The following HDAC10 variants were observed in gnomAD, a reference collection of about 807,000 sequenced individuals.
The protein encoded by HDAC10 is polyamine deacetylase HDAC10.
Under a neutral mutation model 82.3 loss-of-function variants are expected in HDAC10, and 90 were observed. The observed-to-expected ratio is 1.09, with a 90% CI of 0.92 to 1.30. The LOEUF (loss-of-function observed/expected upper bound fraction) is 1.30, where lower values mean the gene tolerates loss of function less well. Among genes scored for constraint, HDAC10 ranks in the 50% most tolerant of loss-of-function variants. The pLI, the probability that HDAC10 is intolerant of heterozygous loss-of-function variation, is 0.00. For synonymous variants in HDAC10, 456 were observed against 391.7 expected, an observed-to-expected ratio of 1.16 and a Z score of -1.94; for missense variants, 934 against 876.3, an observed-to-expected ratio of 1.07 and a Z score of -0.83.
In HDAC10 at chr22:50,248,155, G is replaced by C. The variant is rs766342083; in HGVS notation, c.1082-10C>G. On this transcript the variant is annotated splice_polypyrimidine_tract_variant and intron_variant, in intron 12 of 19. Coordinates refer to ENST00000216271, the MANE Select transcript of HDAC10 (RefSeq NM_032019.6). This position sits in a 1 kb window ranked among gnomAD's most constrained non-coding sequence, Gnocchi z 5.4. ...GGCACAGCGGTCACATCTAGGGACA[G>C]TTCGGAGTCATAGCCACTGCACAGG... 1 of 1,590,348 alleles carries C rather than the reference G, an allele frequency of 6.3e-7. No individual in the cohort carries two copies. Among genetic ancestry groups the C allele is most frequent in the East Asian group, 2.2e-5 (1 of 44,674 alleles).
chr22:50,249,670 G>C lies in HDAC10; in HGVS notation c.528C>G (p.Gly176=). 1.2e-6 allele frequency: 2 copies of C among 1,612,918 alleles called. No individual in the cohort carries two copies. Among genetic ancestry groups the C allele is most frequent in the Non-Finnish European group, 1.7e-6 (2 of 1,179,990 alleles). ...CCTCAAAGAGATACTGGATCCCCTG[G>C]CCATGGTGCACATCCCAGTCCACGA... is the stretch of plus-strand genomic sequence containing the variant. ...ILVVDWDVHH[G]QGIQYLFEDD... The change falls in exon 6 of 20, where the codon GGC becomes GGG. Residue 176 remains glycine, a synonymous_variant. Transcript: ENST00000216271. The surrounding 1 kb of genome is among the most constrained non-coding windows in gnomAD (Gnocchi z 4.4).
rs2065002435 is a variant in HDAC10 at position 50,248,235 on chromosome 22, G to T, written c.1071C>A (p.Leu357=). Reference sequence around the variant, plus strand: ...CCCGGCCACACTGACCTTGCTGCTGGAGGCTCTTCCAGTGCGGGGCCTGGG... The same window carrying T: ...CCCGGCCACACTGACCTTGCTGCTGTAGGCTCTTCCAGTGCGGGGCCTGGG... The part of the protein sequence containing the change: ...RAAQAPHWKS[L]QQQDVTAVPM... Residue 357 remains leucine, a synonymous_variant, in exon 12 of 20, where the codon CTC becomes CTA. Transcript: ENST00000216271. This position sits in a 1 kb window ranked among gnomAD's most constrained non-coding sequence, Gnocchi z 5.4. The T allele has an allele frequency of 6.2e-7, 1 of 1,612,086 alleles. No individual in the cohort carries two copies.
Position 50,248,750 on chromosome 22 carries a change from C to G in HDAC10, c.818G>C (p.Gly273Ala). The change falls in exon 10 of 20, where the codon GGG (glycine) becomes GCG (alanine). Residue 273 changes from glycine to alanine, a missense_variant and splice_region_variant. Transcript: ENST00000216271. The surrounding 1 kb of genome is among the most constrained non-coding windows in gnomAD (Gnocchi z 5.4). Reference sequence around the variant, plus strand: ...GCACTCTGGCGTGGCCTGCATTTGCCCCTGGAACCAGAGCCATGTGTGATG... The same window carrying G: ...GCACTCTGGCGTGGCCTGCATTTGCGCCTGGAACCAGAGCCATGTGTGATG... ...GFDSAIGDPE[G>A]QMQATPECFA... 6.3e-7 allele frequency: 1 copy of G among 1,584,772 alleles called. No individual in the cohort carries two copies. The highest frequency in any genetic ancestry group is 1.1e-5 in the South Asian group (1 of 87,488).
chr22:50,247,823 G>T (rs1210076323), intron 13 of HDAC10, 47 bp from the exon 14 acceptor site: 3 of 1,612,482 alleles, frequency 1.9e-6, no homozygotes, highest in Non-Finnish European at 2.5e-6. Context: ...AGTGACCGCA[G>T]GTCAGGCACA....
chr22:50,247,724 G>A lies in HDAC10; in HGVS notation c.1390C>T (p.Leu464=), dbSNP rs1199924259. ...TCCAGCATCCCATCTAAGAGGTACA[G>A]GAGCTTCCCAAGTGCAGTGAGGGCC... ...EEALTALGKL[L]YLLDGMLDGQ... Residue 464 remains leucine, a synonymous_variant, in exon 14 of 20, where the codon CTG becomes TTG. Coordinates refer to ENST00000216271, the MANE Select transcript of HDAC10 (RefSeq NM_032019.6). The A allele has an allele frequency of 2.5e-6, 4 of 1,599,266 alleles. No homozygotes were observed. Among genetic ancestry groups the A allele is most frequent in the South Asian group, 1.1e-5 (1 of 90,226 alleles).
rs12169695 is a variant in HDAC10, at chr22:50,250,507, G to C, written c.211C>G (p.Leu71Val). The C allele has an allele frequency of 6.2e-7, 1 of 1,612,774 alleles. No homozygotes were observed. The highest frequency in any genetic ancestry group is 8.5e-7 in the Non-Finnish European group (1 of 1,179,904). Residue 71 changes from leucine (L) to valine (V), a missense_variant, in exon 3 of 20, where the codon CTG becomes GTG. Leu to Val is a conservative substitution (Grantham distance 32). Transcript: ENST00000216271. Reference protein sequence around the residue: ...GLVHSPEYVSLVRETQVLGKE... With the variant: ...GLVHSPEYVSVVRETQVLGKE... ...CCTAGGACCTGGGTCTCCCTGACCA[G>C]GGATACATACTCTGGGCTGCATGCA...
intron 2 of HDAC10, 94 bp downstream of exon 2, chr22:50,250,677 C>G: frequency 7.2e-7 from 1 of 1,397,678 alleles, no homozygotes; most frequent in Non-Finnish European, 9.7e-7. Flanking sequence ...GCTCTGTATT[C>G]GAGGCTGGCA....
At position 50,250,925 on chromosome 22, in the gene HDAC10, C is replaced by G. The variant is rs1177363285; in HGVS notation, c.60-20G>C. The G allele has an allele frequency of 6.2e-7, 1 of 1,607,464 alleles. No individual in the cohort carries two copies. The highest frequency in any genetic ancestry group is 1.7e-5 in the Admixed American group (1 of 59,628). On this transcript the variant is annotated intron_variant, in intron 1 of 19. Transcript: ENST00000216271. ...TCGGGGCTGGGGCAGATGAGGAGCTCAGTTCAGAGGTCCCTCCCCGCACCC... is the reference window on the plus strand; with the variant it reads ...TCGGGGCTGGGGCAGATGAGGAGCTGAGTTCAGAGGTCCCTCCCCGCACCC...
In HDAC10 at chr22:50,247,703, G is replaced by T; in HGVS notation, c.1411C>A (p.Leu471Met). 1 of 1,575,348 alleles carries T rather than the reference G, an allele frequency of 6.3e-7. No individual in the cohort carries two copies. Among genetic ancestry groups the T allele is most frequent in the South Asian group, 1.1e-5 (1 of 87,424 alleles). ...GKLLYLLDGM[L>M]DGQVNSGIAA... Reference sequence around the variant, plus strand: ...CCAGGTGCTCCCACCTGCCCATCCAGCATCCCATCTAAGAGGTACAGGAGC... The same window carrying T: ...CCAGGTGCTCCCACCTGCCCATCCATCATCCCATCTAAGAGGTACAGGAGC... Residue 471 changes from leucine (L) to methionine (M), a missense_variant, in exon 14 of 20, where the codon CTG becomes ATG. By Grantham distance (15) the Leu-to-Met change is conservative (BLOSUM62 2). Transcript: ENST00000216271.
At position 50,248,822 on chromosome 22, in the gene HDAC10, G is replaced by A. The variant is rs779632799; in HGVS notation, c.816+9C>T. On this transcript the variant is annotated intron_variant, in intron 9 of 19. Transcript: ENST00000216271. The surrounding 1 kb of genome is among the most constrained non-coding windows in gnomAD (Gnocchi z 5.4). ...CCAGAAGCCCTCCCTGGCAAGGCAA[G>A]GCCCTCACCTCAGGGTCCCCGATGG... The A allele has an allele frequency of 7.5e-6, 12 of 1,609,994 alleles. No individual in the cohort carries two copies. In the South Asian group the frequency reaches 1.1e-4, roughly 15 times the overall value.
In HDAC10 at chr22:50,250,088, C is replaced by T; in HGVS notation, c.364G>A (p.Val122Met). 6.2e-7 allele frequency: 1 copy of T among 1,612,760 alleles called. No individual in the cohort carries two copies. Among genetic ancestry groups the T allele is most frequent in the Non-Finnish European group, 8.5e-7 (1 of 1,179,930 alleles). Residue 122 changes from valine (V) to methionine (M), a missense_variant, in exon 4 of 20, where the codon GTG becomes ATG. Coordinates refer to ENST00000216271, the MANE Select transcript of HDAC10 (RefSeq NM_032019.6). The part of the protein sequence containing the change: ...QLVDAVLTGA[V>M]QNGLALVRPP... ...CTCACCAGGGCAAGCCCATTTTGCA[C>T]AGCTCCAGTGAGCACAGCGTCCACC...
rs767018343 is a variant in HDAC10 at position 50,248,942 on chromosome 22, G to A, written c.757-52C>T. 2.5e-6 allele frequency: 4 copies of A among 1,572,718 alleles called. No homozygotes were observed. The highest frequency in any genetic ancestry group is 3.5e-6 in the Non-Finnish European group (4 of 1,154,658). ...GTCGACAGAGAGGGGCTGGAGCCCAGGTGAGGGCGAGCCAGGCCCATCCCA... is the reference window on the plus strand; with the variant it reads ...GTCGACAGAGAGGGGCTGGAGCCCAAGTGAGGGCGAGCCAGGCCCATCCCA... On this transcript the variant is annotated intron_variant, in intron 8 of 19. Transcript: ENST00000216271. This position sits in a 1 kb window ranked among gnomAD's most constrained non-coding sequence, Gnocchi z 5.4.
rs1213293555 is a variant in HDAC10, at chr22:50,247,782, G to A, written c.1338-6C>T. The A allele has an allele frequency of 1.9e-6, 3 of 1,612,770 alleles. No homozygotes were observed. Among genetic ancestry groups the A allele is most frequent in the South Asian group, 1.1e-5 (1 of 91,086 alleles). ...GGGCCAGGGACTCGTGTGGCCTGTG[G>A]TGGACAGACCAGAGGGACACACAGA... On this transcript the variant is annotated splice_polypyrimidine_tract_variant and splice_region_variant and intron_variant, in intron 13 of 19. Coordinates refer to ENST00000216271, the MANE Select transcript of HDAC10 (RefSeq NM_032019.6).
chr22:50,251,138 T>A lies in HDAC10; in HGVS notation c.-106A>T. 1.6e-6 allele frequency: 2 copies of A among 1,239,476 alleles called. No individual in the cohort carries two copies. Among genetic ancestry groups the A allele is most frequent in the Non-Finnish European group, 2.2e-6 (2 of 890,010 alleles). 76.8% of individuals were successfully genotyped at this position (1,239,476 alleles called of 1,614,324 possible). ...AGCAGCCGGAGGCCTGGGACCTGCC[T>A]GGGGCGCAGGCGGGCGGCGGGCACC... is the stretch of plus-strand genomic sequence containing the variant. On this transcript the variant is annotated 5_prime_UTR_variant, in exon 1 of 20. Coordinates refer to ENST00000216271, the MANE Select transcript of HDAC10 (RefSeq NM_032019.6).
At position 50,251,002 on chromosome 22, in the gene HDAC10, TGTCCTCATGGTACACAAGCGCG is replaced by T. The variant is rs2065078665; in HGVS notation, c.9_30del (p.Ala4Ter). 3.1e-6 allele frequency: 5 copies of T among 1,612,632 alleles called. No individual in the cohort carries two copies. The South Asian group carries it at 3.3e-5, about 11-fold the overall frequency. ...TCCCAGAGCAGCCGGGTGGCCGTCA[TGTCCTCATGGTACACAAGCGCG>T]GTCCCCATGGCTGCGCCGTGGTCAC... On this transcript the variant is annotated frameshift_variant, in exon 1 of 20. Coordinates refer to ENST00000216271, the MANE Select transcript of HDAC10 (RefSeq NM_032019.6). LOFTEE classifies it high-confidence loss of function.
At position 50,245,229 on chromosome 22, in the gene HDAC10, G is replaced by C. The variant is rs78244765; in HGVS notation, c.*278C>G. On this transcript the variant is annotated 3_prime_UTR_variant, in exon 20 of 20. Coordinates refer to ENST00000216271, the MANE Select transcript of HDAC10 (RefSeq NM_032019.6). ...TAACGGCGCAAGGGCGGGGAGCGAA[G>C]CGCAGCGGGGCGCAGGGGCCGGAAC... is the stretch of plus-strand genomic sequence containing the variant. 0.021 allele frequency: 12,142 copies of C among 571,458 alleles called. 427 individuals are homozygous for C. The highest frequency in any genetic ancestry group is 0.13 in the East Asian group (4,306 of 32,496). The allele number at this position is 571,458 out of a possible 1,614,324, so 35.4% of individuals were successfully genotyped here. A position where few individuals can be genotyped will look rare whatever the true frequency, so the allele number is the denominator to read the frequency against.
At chr22:50,247,203 A>ATC in intron 14 of HDAC10, 1 of 432,376 alleles carries the variant, frequency 2.3e-6, no homozygotes, top group Admixed American at 4.1e-5. Context: ...CAGTGGCGCA[A>ATC]TTGTAGCTCA....
Position 50,248,553 on chromosome 22 carries a change from A to G in HDAC10, c.907-81T>C. 2 of 1,494,784 alleles carry G rather than the reference A, an allele frequency of 1.3e-6. No individual in the cohort carries two copies. Among genetic ancestry groups the G allele is most frequent in the Admixed American group, 2.0e-5 (1 of 50,566 alleles). The allele number at this position is 1,494,784 out of a possible 1,614,324, so 92.6% of individuals were successfully genotyped here. A position where few individuals can be genotyped will look rare whatever the true frequency, so the allele number is the denominator to read the frequency against. Reference sequence around the variant, plus strand: ...ACCGGGAGAGCCCCTGCCTGGCTCTATCCCGGGCAGGACGCCCCTCCCAAA... The same window carrying G: ...ACCGGGAGAGCCCCTGCCTGGCTCTGTCCCGGGCAGGACGCCCCTCCCAAA... On this transcript the variant is annotated intron_variant, in intron 10 of 19. Coordinates refer to ENST00000216271, the MANE Select transcript of HDAC10 (RefSeq NM_032019.6). This position sits in a 1 kb window ranked among gnomAD's most constrained non-coding sequence, Gnocchi z 5.4.
In HDAC10 at chr22:50,248,275, T is replaced by C. The variant is rs763550305; in HGVS notation, c.1031A>G (p.Gln344Arg). 1 of 1,612,464 alleles carries C rather than the reference T, an allele frequency of 6.2e-7. No homozygotes were observed. The highest frequency in any genetic ancestry group is 8.5e-7 in the Non-Finnish European group (1 of 1,179,886). The part of the protein sequence containing the change: ...APCQSALESI[Q>R]SARAAQAPHW... ...CGGGGCCTGGGCAGCACGGGCACTC[T>C]GGATGGACTCTAGGGCACTGTGAGG... The change falls in exon 12 of 20, where the codon CAG becomes CGG. Residue 344 changes from glutamine (Q) to arginine (R), a missense_variant. By Grantham distance (43) the Gln-to-Arg change is conservative (BLOSUM62 1). Transcript: ENST00000216271. This position sits in a 1 kb window ranked among gnomAD's most constrained non-coding sequence, Gnocchi z 5.4.
Sources: allele counts gnomAD v4.1 joint callset, GRCh38; gene constraint gnomAD v4.1.1; non-coding constraint Gnocchi (gnomAD v3.1); transcripts MANE v1.5; gene names NCBI Gene and HGNC (gene_info 2026-07-23, HGNC 2026-07-21).